SNAP25: variants seen among roughly 807,000 people sequenced by gnomAD.
The protein encoded by SNAP25 is synaptosomal-associated protein 25.
SNAP25 carries 3 observed loss-of-function variants against 28.7 expected under a neutral mutation model. The ratio of observed to expected loss-of-function variants is 0.10; its 90% CI spans 0.05 to 0.27. The LOEUF is 0.27. Among genes scored for constraint, SNAP25 ranks in the 10% least tolerant of loss-of-function variants. The pLI, the probability that SNAP25 is intolerant of heterozygous loss-of-function variation, is 1.00. For synonymous variants in SNAP25, 61 were observed against 88.1 expected, an observed-to-expected ratio of 0.69 and a Z score of 1.72; for missense variants, 117 against 278.7, an observed-to-expected ratio of 0.42 and a Z score of 4.13.
At chr20:10,273,147 T>C (rs1015466282) in intron 1 of SNAP25, among the ~76,000 whole-genome samples, 10 of 120,356 alleles carry the variant, frequency 8.3e-5, no homozygotes, top group Non-Finnish European at 1.5e-4. Flanking sequence ...TGTTCCTGAT[T>C]TTTTTTTTCA....
chr20:10,241,330 A>T (rs1183719932), intron 1 of SNAP25, among the ~76,000 whole-genome samples: 1 of 152,084 alleles, frequency 6.6e-6, no homozygotes, highest in Admixed American at 6.5e-5. Context: ...CATCTTCATC[A>T]TGCACAGTTG....
intron 1 of SNAP25, among the ~76,000 whole-genome samples, chr20:10,274,638 T>C (rs1227004814): frequency 6.6e-6 from 1 of 152,090 alleles, no homozygotes. Context: ...GGTCAGGAGA[T>C]CGAGACCATC....
At position 10,218,868 on chromosome 20, in the gene SNAP25, G is replaced by T. The variant is rs1253842485; in HGVS notation, c.-173G>T. The stretch of plus-strand genomic sequence containing the variant: ...GCAGAGCTCACGTTGCATTGAAGAC[G>T]AAACCTCGGGGAGGTCAGGCGCTGT... On this transcript the variant is annotated 5_prime_UTR_variant, in exon 1 of 8. Coordinates refer to ENST00000254976, the MANE Select transcript of SNAP25 (RefSeq NM_130811.4). The T allele has an allele frequency of 6.6e-6, 1 of 152,212 alleles. No individual in the cohort carries two copies. Among genetic ancestry groups the T allele is most frequent in the Non-Finnish European group, 1.5e-5 (1 of 68,102 alleles). 9.4% of individuals were successfully genotyped at this position (152,212 alleles called of 1,614,324 possible).
intron 1 of SNAP25, among the ~76,000 whole-genome samples, chr20:10,258,254 A>C (rs2063354720): frequency 6.6e-6 from 1 of 152,228 alleles, no homozygotes; most frequent in Non-Finnish European, 1.5e-5. Context: ...TTTGTATTTC[A>C]GTTAGTAATC....
intron 4 of SNAP25, 84 bp downstream of exon 4, chr20:10,284,856 G>T (rs758475814): frequency 9.2e-7 from 1 of 1,083,046 alleles, no homozygotes; most frequent in African/African-American, 1.6e-5. Flanking sequence ...GCAGATGGTC[G>T]CTTTGACATG....
intron 4 of SNAP25, among the ~76,000 whole-genome samples, chr20:10,290,393 C>G (rs187162348): frequency 6.6e-6 from 1 of 152,242 alleles, no homozygotes; most frequent in East Asian, 1.9e-4. Flanking sequence ...GAATAGTTTT[C>G]TGAATCAAAT....
chr20:10,302,489 T>G (rs1054023954), intron 7 of SNAP25, among the ~76,000 whole-genome samples: 43 of 152,290 alleles, frequency 2.8e-4, no homozygotes, highest in African/African-American at 9.6e-4. Context: ...TGAACTGGGT[T>G]CTAAAAGTCA....
chr20:10,249,719 T>C (rs555175945), intron 1 of SNAP25, among the ~76,000 whole-genome samples: 2 of 152,270 alleles, frequency 1.3e-5, no homozygotes, highest in South Asian at 4.1e-4. Context: ...CTGACTGGAC[T>C]AGAATCTCTA....
chr20:10,295,197 A>G (rs760187437), intron 5 of SNAP25, among the ~76,000 whole-genome samples: 70 of 152,218 alleles, frequency 4.6e-4, no homozygotes, highest in Admixed American at 2.0e-3. Flanking sequence ...GCATGTTTCA[A>G]GGGACGATGG....
chr20:10,248,458 A>G (rs1707989060), intron 1 of SNAP25, among the ~76,000 whole-genome samples: 1 of 152,222 alleles, frequency 6.6e-6, no homozygotes, highest in Non-Finnish European at 1.5e-5. Flanking sequence ...AATAATTATG[A>G]ATAATTATTT....
intron 1 of SNAP25, among the ~76,000 whole-genome samples, chr20:10,257,483 C>T (rs1227398768): frequency 6.6e-6 from 1 of 152,058 alleles, no homozygotes; most frequent in African/African-American, 2.4e-5. Context: ...GAGGCCGAGG[C>T]GGGCGGATCA....
At chr20:10,265,964 A>C (rs929034935) in intron 1 of SNAP25, among the ~76,000 whole-genome samples, 4 of 152,194 alleles carry the variant, frequency 2.6e-5, no homozygotes, top group African/African-American at 9.7e-5. Flanking sequence ...GGAGTACCAA[A>C]GGTTTGGGGG....
intron 4 of SNAP25, among the ~76,000 whole-genome samples, chr20:10,290,017 C>T (rs1447617800): frequency 1.3e-5 from 2 of 152,024 alleles, no homozygotes; most frequent in Admixed American, 6.6e-5. Flanking sequence ...CTCCTCCCAG[C>T]CCCCAAGAAT....
Position 10,293,076 on chromosome 20 carries a change from G to A in SNAP25, c.164-85G>A, listed in dbSNP as rs1178077948. ...TTTTTTTTTCTTTTTTAATGTCAAAGTGAATGTCTGAAGTTTTGTCTTTTT... is the reference window on the plus strand; with the variant it reads ...TTTTTTTTTCTTTTTTAATGTCAAAATGAATGTCTGAAGTTTTGTCTTTTT... On this transcript the variant is annotated intron_variant, in intron 4 of 7. Transcript: ENST00000254976. The surrounding 1 kb of genome is among the most constrained non-coding windows in gnomAD (Gnocchi z 5.6). 4.2e-5 allele frequency: 59 copies of A among 1,393,180 alleles called. No homozygotes were observed. In the South Asian group the frequency reaches 6.1e-4, roughly 14 times the overall value. The allele number at this position is 1,393,180 out of a possible 1,614,324, so 86.3% of individuals were successfully genotyped here.
chr20:10,284,410 A>G (rs2063836378), intron 3 of SNAP25, among the ~76,000 whole-genome samples: 1 of 152,206 alleles, frequency 6.6e-6, no homozygotes, highest in Non-Finnish European at 1.5e-5. Flanking sequence ...GTTTATTTCC[A>G]AACATAAAAT....
chr20:10,229,730 G>A (rs185536529), intron 1 of SNAP25, among the ~76,000 whole-genome samples: 1 of 152,060 alleles, frequency 6.6e-6, no homozygotes, highest in Non-Finnish European at 1.5e-5. Flanking sequence ...CTTCTGAGTG[G>A]CAGGTTATAC....
At chr20:10,250,657 A>G (rs1174969226) in intron 1 of SNAP25, among the ~76,000 whole-genome samples, 1 of 152,212 alleles carries the variant, frequency 6.6e-6, no homozygotes, top group Non-Finnish European at 1.5e-5. Flanking sequence ...AATTTGATAT[A>G]TATTGCCTTA....
chr20:10,270,739 C>T (rs542429821), intron 1 of SNAP25, among the ~76,000 whole-genome samples: 72 of 152,180 alleles, frequency 4.7e-4, no homozygotes, highest in African/African-American at 1.5e-3. Context: ...ATCAGTGACC[C>T]CATTTCAGAC....
chr20:10,222,948 AC>A (rs931781165), intron 1 of SNAP25, among the ~76,000 whole-genome samples: 3 of 152,192 alleles, frequency 2.0e-5, no homozygotes, highest in African/African-American at 7.2e-5. Flanking sequence ...GTGATGAGAC[AC>A]CCCAGAAGGT....
Sources: allele counts gnomAD v4.1 joint callset (sites outside exome capture counted in the v4.1 genomes callset), GRCh38; gene constraint gnomAD v4.1.1; non-coding constraint Gnocchi (gnomAD v3.1); transcripts MANE v1.5; gene names NCBI Gene and HGNC (gene_info 2026-07-23, HGNC 2026-07-21).